CD80: variants seen among roughly 807,000 people sequenced by gnomAD.
The protein encoded by CD80 is CD80 molecule, also known as T-lymphocyte activation antigen CD80.
Under a neutral mutation model 27.1 loss-of-function variants are expected in CD80, and 13 were observed. The ratio of observed to expected loss-of-function variants is 0.48; its 90% CI spans 0.31 to 0.76. CD80 has a LOEUF of 0.76. Ranked by LOEUF, CD80 falls within the 30% of genes least tolerant of loss-of-function variation. CD80 has a pLI of 0.04. For missense variants in CD80, 277 were observed against 347.9 expected, an observed-to-expected ratio of 0.80 and a Z score of 1.62; for synonymous variants, 125 against 125.5, an observed-to-expected ratio of 1.00 and a Z score of 0.03.
At chr3:119,553,693 C>T (rs1385492394) in intron 2 of CD80, among the ~76,000 whole-genome samples, 1 of 152,220 alleles carries the variant, frequency 6.6e-6, no homozygotes, top group Non-Finnish European at 1.5e-5. Context: ...AAGCAGTTGA[C>T]ACAACATCTT....
chr3:119,536,835 C>G (rs191214800), intron 4 of CD80, among the ~76,000 whole-genome samples: 1 of 152,234 alleles, frequency 6.6e-6, no homozygotes, highest in East Asian at 1.9e-4. Flanking sequence ...TTTTACTGTA[C>G]CTTTCCTATG....
intron 2 of CD80, among the ~76,000 whole-genome samples, chr3:119,554,295 T>C (rs993726749): frequency 8.5e-5 from 13 of 152,174 alleles, no homozygotes; most frequent in Admixed American, 8.5e-4. Context: ...TCTTTTCTCC[T>C]AGCTCTGAGT....
At chr3:119,530,708 A>T (rs565372358) in intron 4 of CD80, among the ~76,000 whole-genome samples, 2 of 152,336 alleles carry the variant, frequency 1.3e-5, no homozygotes, top group East Asian at 3.9e-4. Flanking sequence ...TGCTTTGAGG[A>T]ATCATTAGCA....
At chr3:119,554,005 G>A (rs1394113771) in intron 2 of CD80, among the ~76,000 whole-genome samples, 2 of 152,232 alleles carry the variant, frequency 1.3e-5, no homozygotes, top group Non-Finnish European at 2.9e-5. Flanking sequence ...GCTGCCTCTG[G>A]CAGCCACAGG....
intron 4 of CD80, among the ~76,000 whole-genome samples, chr3:119,533,660 A>T (rs371856234): frequency 7.9e-5 from 12 of 152,170 alleles, no homozygotes. Context: ...TGCCATCCAC[A>T]TAAGACATGA....
intron 6 of CD80, among the ~76,000 whole-genome samples, chr3:119,527,146 T>C (rs1300857524): frequency 6.6e-6 from 1 of 152,208 alleles, no homozygotes; most frequent in Non-Finnish European, 1.5e-5. Flanking sequence ...GAGGAACAAT[T>C]GACAGAACTC....
chr3:119,544,254 T>C, intron 3 of CD80: 1 of 402,736 alleles, frequency 2.5e-6, no homozygotes. Flanking sequence ...GTAGCAAGGC[T>C]ACATCAAATC....
intron 3 of CD80, among the ~76,000 whole-genome samples, chr3:119,538,483 C>G (rs950686519): frequency 5.3e-5 from 8 of 152,238 alleles, no homozygotes; most frequent in Admixed American, 5.2e-4. Flanking sequence ...CTGTCCCTCT[C>G]TTTCCCTTAC....
chr3:119,538,309 T>C (rs577188042), intron 3 of CD80, among the ~76,000 whole-genome samples: 2 of 152,226 alleles, frequency 1.3e-5, no homozygotes, highest in Non-Finnish European at 2.9e-5. Flanking sequence ...CTTTCTTCTC[T>C]TCTCTTCTTT....
intron 3 of CD80, among the ~76,000 whole-genome samples, chr3:119,539,145 A>G (rs1165497285): frequency 6.6e-6 from 1 of 152,234 alleles, no homozygotes; most frequent in Non-Finnish European, 1.5e-5. Flanking sequence ...AATTTATTTG[A>G]ATTCATTTGA....
intron 2 of CD80, among the ~76,000 whole-genome samples, chr3:119,553,443 T>A (rs534695190): frequency 1.3e-4 from 20 of 152,292 alleles, no homozygotes; most frequent in African/African-American, 4.8e-4. Flanking sequence ...CCTGGCTGAA[T>A]TGTATACTTT....
chr3:119,531,789 G>A (rs983523501), intron 4 of CD80, among the ~76,000 whole-genome samples: 6 of 151,900 alleles, frequency 3.9e-5, no homozygotes, highest in African/African-American at 2.4e-5. Context: ...TCAGCCTCCC[G>A]AGTAGCTGGG....
intron 2 of CD80, among the ~76,000 whole-genome samples, chr3:119,551,338 A>C (rs560756960): frequency 6.6e-6 from 1 of 152,330 alleles, no homozygotes; most frequent in South Asian, 2.1e-4. Flanking sequence ...TTGGAAATTT[A>C]ATTCCGGGTG....
intron 4 of CD80, 46 bp downstream of exon 4, chr3:119,537,091 T>C (rs1230148242): frequency 6.5e-7 from 1 of 1,529,806 alleles, no homozygotes; most frequent in Non-Finnish European, 9.0e-7. Flanking sequence ...TATATTGTCT[T>C]TTTAGATTCG....
intron 4 of CD80, among the ~76,000 whole-genome samples, chr3:119,532,945 T>C (rs150581385): frequency 1.3e-5 from 2 of 152,294 alleles, no homozygotes; most frequent in East Asian, 3.9e-4. Context: ...GGATAGTTGG[T>C]TTTTCTTTTT....
In CD80 at chr3:119,527,734, T is replaced by C; in HGVS notation, c.*37A>G. 6.4e-7 allele frequency: 1 copy of C among 1,557,398 alleles called. No homozygotes were observed. The highest frequency in any genetic ancestry group is 1.1e-5 in the South Asian group (1 of 89,828). ...CCCAGAAGAGATGACGGAGGCTACC[T>C]TCAGATCTTTTCAGCCCCTTGCTTC... On this transcript the variant is annotated splice_region_variant and 3_prime_UTR_variant, in exon 6 of 7. Coordinates refer to ENST00000264246, the MANE Select transcript of CD80 (RefSeq NM_005191.4).
chr3:119,540,991 A>T (rs71325383), intron 3 of CD80, among the ~76,000 whole-genome samples: 13,267 of 151,894 alleles, frequency 0.087, 759 homozygotes, highest in Non-Finnish European at 0.12. Flanking sequence ...GAGGCTGCAG[A>T]GACCCGAGAT....
At chr3:119,547,597 A>C (rs2082208631) in intron 2 of CD80, among the ~76,000 whole-genome samples, 2 of 152,130 alleles carry the variant, frequency 1.3e-5, no homozygotes. Flanking sequence ...GAGTACCCTC[A>C]CTTTCCTCAC....
At chr3:119,535,174 A>G (rs2082130036) in intron 4 of CD80, among the ~76,000 whole-genome samples, 1 of 151,280 alleles carries the variant, frequency 6.6e-6, no homozygotes, top group South Asian at 2.1e-4. Flanking sequence ...CCTGGGTGAC[A>G]GAGCGAGACT....
Sources: allele counts gnomAD v4.1 joint callset (sites outside exome capture counted in the v4.1 genomes callset), GRCh38; gene constraint gnomAD v4.1.1; transcripts MANE v1.5; gene names NCBI Gene and HGNC (gene_info 2026-07-23, HGNC 2026-07-21).